BMPR2: variants seen among roughly 807,000 people sequenced by gnomAD.
BMPR2 encodes bone morphogenetic protein receptor type 2, also known as bone morphogenetic protein receptor type-2.
Under a neutral mutation model 100.8 loss-of-function variants are expected in BMPR2, and 29 were observed. That is an observed-to-expected ratio of 0.29 (90% CI 0.21 to 0.39). The LOEUF (loss-of-function observed/expected upper bound fraction) is 0.39, where lower values mean the gene tolerates loss of function less well. Among genes scored for constraint, BMPR2 ranks in the 10% least tolerant of loss-of-function variants. BMPR2 has a pLI of 1.00. For synonymous variants in BMPR2, 382 were observed against 442.3 expected (o/e 0.86, Z 1.71); for missense variants, 1,011 against 1,274.5 (o/e 0.79, Z 3.15).
At chr2:202,505,579 T>C (rs1431225560) in intron 3 of BMPR2, among the ~76,000 whole-genome samples, 3 of 152,158 alleles carry the variant, frequency 2.0e-5, no homozygotes, top group Non-Finnish European at 4.4e-5. Context: ...AGTTGATTTA[T>C]GGACATTGTT....
intron 1 of BMPR2, among the ~76,000 whole-genome samples, chr2:202,389,642 A>C (rs1690506897): frequency 6.6e-6 from 1 of 151,226 alleles, no homozygotes. Flanking sequence ...AGGGTTTTAT[A>C]AATTTATTTT....
At chr2:202,410,633 G>T (rs1387856142) in intron 1 of BMPR2, among the ~76,000 whole-genome samples, 1 of 152,186 alleles carries the variant, frequency 6.6e-6, no homozygotes, top group East Asian at 1.9e-4. Context: ...AGGCTGGAGT[G>T]CAGTGGCACG....
chr2:202,386,762 C>T lies in BMPR2; in HGVS notation c.76+9212C>T, dbSNP rs1214254834. On this transcript the variant is annotated intron_variant, in intron 1 of 12. Coordinates refer to ENST00000374580, the MANE Select transcript of BMPR2 (RefSeq NM_001204.7). ...GTGGCGCGATCTCGGCTCACTGCAA[C>T]CTCTACCTCCCGGATTCAAGTGATT... 3.9e-5 allele frequency among the ~76,000 whole-genome samples: 6 copies of T among 151,950 alleles called. No individual in the cohort carries two copies. In the East Asian group the frequency reaches 7.7e-4, roughly 20 times the overall value.
At chr2:202,551,823 A>G (rs1688483089) in intron 10 of BMPR2, among the ~76,000 whole-genome samples, 1 of 150,928 alleles carries the variant, frequency 6.6e-6, no homozygotes, top group African/African-American at 2.4e-5. Flanking sequence ...CAGCCTCCCA[A>G]GTAGCTGGGA....
At chr2:202,527,834 A>T (rs1484170590) in intron 7 of BMPR2, among the ~76,000 whole-genome samples, 1 of 152,020 alleles carries the variant, frequency 6.6e-6, no homozygotes, top group Non-Finnish European at 1.5e-5. Context: ...ATAAATAAAA[A>T]ATATTCCCAA....
At chr2:202,380,248 T>C (rs1425066525) in intron 1 of BMPR2, among the ~76,000 whole-genome samples, 2 of 151,872 alleles carry the variant, frequency 1.3e-5, no homozygotes, top group Non-Finnish European at 2.9e-5. Context: ...GGTTTATGAA[T>C]GAATTCTTAA....
intron 3 of BMPR2, among the ~76,000 whole-genome samples, chr2:202,509,668 T>G (rs1687586232): frequency 6.6e-6 from 1 of 151,898 alleles, no homozygotes; most frequent in Admixed American, 6.6e-5. Context: ...TTTGTTACAT[T>G]AAAATTTTAA....
chr2:202,398,232 A>C (rs1020694867), intron 1 of BMPR2, among the ~76,000 whole-genome samples: 1 of 152,194 alleles, frequency 6.6e-6, no homozygotes, highest in Non-Finnish European at 1.5e-5. Context: ...ATGAGACTGT[A>C]GATCAAGTTC....
At chr2:202,382,006 T>C (rs897895718) in intron 1 of BMPR2, among the ~76,000 whole-genome samples, 5 of 152,034 alleles carry the variant, frequency 3.3e-5, no homozygotes, top group African/African-American at 1.2e-4. Flanking sequence ...CACCACTTAT[T>C]TTGGCACCTA....
intron 1 of BMPR2, among the ~76,000 whole-genome samples, chr2:202,405,247 C>T (rs965122706): frequency 6.6e-6 from 1 of 152,106 alleles, no homozygotes; most frequent in African/African-American, 2.4e-5. Context: ...GTAATTAGAA[C>T]TGTTTAACTG....
intron 11 of BMPR2, among the ~76,000 whole-genome samples, chr2:202,553,168 A>G (rs1688511460): frequency 6.6e-6 from 1 of 152,134 alleles, no homozygotes; most frequent in African/African-American, 2.4e-5. Flanking sequence ...AATAAAGGTA[A>G]AATGTTTTTA....
chr2:202,529,860 T>A (rs570243028), intron 7 of BMPR2, among the ~76,000 whole-genome samples: 3 of 152,220 alleles, frequency 2.0e-5, no homozygotes, highest in Non-Finnish European at 4.4e-5. Context: ...GACTTTGTTC[T>A]GATTGCTTTG....
At chr2:202,450,076 C>T (rs1029904421) in intron 1 of BMPR2, among the ~76,000 whole-genome samples, 1 of 152,134 alleles carries the variant, frequency 6.6e-6, no homozygotes, top group African/African-American at 2.4e-5. Flanking sequence ...CACCACTGCA[C>T]TCCAGCCTGG....
At chr2:202,388,027 G>C (rs1293335122) in intron 1 of BMPR2, among the ~76,000 whole-genome samples, 3 of 152,056 alleles carry the variant, frequency 2.0e-5, no homozygotes, top group Non-Finnish European at 4.4e-5. Context: ...TTGATGAAAC[G>C]TTATCAAGAA....
chr2:202,543,034 G>T (rs981064035), intron 10 of BMPR2, among the ~76,000 whole-genome samples: 1 of 151,456 alleles, frequency 6.6e-6, no homozygotes, highest in African/African-American at 2.4e-5. Context: ...AAAATTAGCC[G>T]GGCGTGGTGG....
chr2:202,406,308 C>A (rs1277703578), intron 1 of BMPR2, among the ~76,000 whole-genome samples: 8 of 152,206 alleles, frequency 5.3e-5, no homozygotes, highest in Admixed American at 3.9e-4. Flanking sequence ...CTGTGAGCAA[C>A]CCCCTCCAGT....
chr2:202,407,701 G>A (rs1164277564), intron 1 of BMPR2, among the ~76,000 whole-genome samples: 2 of 151,344 alleles, frequency 1.3e-5, no homozygotes, highest in Non-Finnish European at 2.9e-5. Flanking sequence ...CCCGGGAGGC[G>A]GAGCTTGCAG....
At chr2:202,435,637 C>G (rs1185833447) in intron 1 of BMPR2, among the ~76,000 whole-genome samples, 3 of 149,844 alleles carry the variant, frequency 2.0e-5, no homozygotes, top group Admixed American at 1.3e-4. Flanking sequence ...CCTTCACATT[C>G]ACTTACCGCT....
Position 202,562,738 on chromosome 2 carries a change from A to T in BMPR2, c.*2792A>T, listed in dbSNP as rs1269979118. On this transcript the variant is annotated 3_prime_UTR_variant, in exon 13 of 13. Coordinates refer to ENST00000374580, the MANE Select transcript of BMPR2 (RefSeq NM_001204.7). ...GTTCCCTTAACAAAATCCTAACTGTATACCAGAATTAGGTCACTGAAAGAA... is the reference window on the plus strand; with the variant it reads ...GTTCCCTTAACAAAATCCTAACTGTTTACCAGAATTAGGTCACTGAAAGAA... 6.6e-6 allele frequency: 1 copy of T among 152,200 alleles called. No homozygotes were observed. Among genetic ancestry groups the T allele is most frequent in the African/African-American group, 2.4e-5 (1 of 41,468 alleles). 9.4% of individuals were successfully genotyped at this position (152,200 alleles called of 1,614,324 possible).
Sources: gnomAD v4.1 joint callset for allele counts (sites outside exome capture counted in the v4.1 genomes callset) on GRCh38, gnomAD v4.1.1 for gene constraint, MANE v1.5 for transcripts, NCBI Gene and HGNC (gene_info 2026-07-23, HGNC 2026-07-21) for gene names.